TBC1D14: variants seen among roughly 807,000 people sequenced by gnomAD.
TBC1D14 encodes the protein TBC1 domain family member 14, also known as TBC1 domain family, member 14.
Under a neutral mutation model 79.0 loss-of-function variants are expected in TBC1D14, and 26 were observed. That is an observed-to-expected ratio of 0.33 (90% CI 0.24 to 0.46). TBC1D14 has a LOEUF of 0.46. Among genes scored for constraint, TBC1D14 ranks in the 20% least tolerant of loss-of-function variants. The pLI is 1.00. For missense variants in TBC1D14, 769 were observed against 887.6 expected (o/e 0.87, Z 1.70); for synonymous variants, 394 against 349.9 (o/e 1.13, Z -1.40).
chr4:7,026,524 G>A (rs1348185597), intron 13 of TBC1D14, among the ~76,000 whole-genome samples: 3 of 152,216 alleles, frequency 2.0e-5, no homozygotes, highest in Admixed American at 6.5e-5. Context: ...TGAAAGCTCT[G>A]TTAAGCCTCT....
At chr4:7,028,900 C>T (rs1021413921) in intron 13 of TBC1D14, among the ~76,000 whole-genome samples, 3 of 148,240 alleles carry the variant, frequency 2.0e-5, no homozygotes, top group Admixed American at 6.7e-5. Flanking sequence ...TGCAGTGGTG[C>T]GATCACAGCT....
At chr4:6,928,617 G>C (rs992009360) in intron 2 of TBC1D14, among the ~76,000 whole-genome samples, 1 of 152,218 alleles carries the variant, frequency 6.6e-6, no homozygotes, top group Non-Finnish European at 1.5e-5. Flanking sequence ...CAGATCACCT[G>C]AAGTCAGGAG....
At chr4:6,919,140 G>C (rs1269557178) in intron 1 of TBC1D14, among the ~76,000 whole-genome samples, 1 of 152,006 alleles carries the variant, frequency 6.6e-6, no homozygotes, top group Non-Finnish European at 1.5e-5. Context: ...TGCAGCACCT[G>C]GGTAATTTCA....
At chr4:7,000,879 A>T (rs16839511) in intron 6 of TBC1D14, among the ~76,000 whole-genome samples, 3,246 of 152,214 alleles carry the variant, frequency 0.021, 48 homozygotes, top group Middle Eastern at 0.041. Flanking sequence ...GGTCATTCAG[A>T]ACTTGGCCCC....
At chr4:6,921,965 G>T (rs1309214433) in intron 1 of TBC1D14, among the ~76,000 whole-genome samples, 1 of 152,188 alleles carries the variant, frequency 6.6e-6, no homozygotes, top group Admixed American at 6.5e-5. Context: ...AAAGTGTTGG[G>T]ATTACAGGTG....
At chr4:6,928,670 T>C (rs1314284528) in intron 2 of TBC1D14, among the ~76,000 whole-genome samples, 2 of 152,192 alleles carry the variant, frequency 1.3e-5, no homozygotes, top group African/African-American at 4.8e-5. Flanking sequence ...TCATTTCTAC[T>C]AAAAATACAA....
chr4:6,998,736 A>C (rs1448003956), intron 5 of TBC1D14: 1 of 202,298 alleles, frequency 4.9e-6, no homozygotes, highest in African/African-American at 2.4e-5. Flanking sequence ...ACGGGATTTC[A>C]CCACTTTGGC....
At chr4:6,947,224 G>A (rs911305269) in intron 2 of TBC1D14, among the ~76,000 whole-genome samples, 9 of 152,098 alleles carry the variant, frequency 5.9e-5, no homozygotes, top group African/African-American at 2.2e-4. Context: ...TAGGGCAGGC[G>A]CGGTGGCTCA....
chr4:7,029,603 T>G (rs994472660), intron 13 of TBC1D14, among the ~76,000 whole-genome samples: 3 of 152,306 alleles, frequency 2.0e-5, no homozygotes, highest in Admixed American at 1.3e-4. Context: ...AAGGCGGGCG[T>G]ATCATGAGGT....
At chr4:7,003,068 A>G (rs1199438936) in intron 7 of TBC1D14, among the ~76,000 whole-genome samples, 1 of 152,168 alleles carries the variant, frequency 6.6e-6, no homozygotes, top group Admixed American at 6.5e-5. Flanking sequence ...AAACTTAGTG[A>G]AAGTCGACCT....
chr4:6,917,874 G>T (rs941875400), intron 1 of TBC1D14, among the ~76,000 whole-genome samples: 23 of 152,302 alleles, frequency 1.5e-4, no homozygotes, highest in African/African-American at 3.8e-4. Flanking sequence ...CTGCCCTAGT[G>T]GCACGAGGCG....
In TBC1D14 at chr4:6,945,474, C is replaced by T. The variant is rs186734504; in HGVS notation, c.722+21363C>T. Among the ~76,000 whole-genome samples the T allele has an allele frequency of 4.1e-3, 622 of 152,194 alleles. 5 individuals carry two copies. Among genetic ancestry groups the T allele is most frequent in the African/African-American group, 0.013 (551 of 41,534 alleles). ...ATAGATTAAAGAAAGCATAGCTGGT[C>T]GTGGTGGCTCACGCCTGTAATCCCA... On this transcript the variant is annotated intron_variant, in intron 2 of 13. Coordinates refer to ENST00000409757, the MANE Select transcript of TBC1D14 (RefSeq NM_020773.3).
At chr4:6,967,839 G>T (rs553507749) in intron 3 of TBC1D14, among the ~76,000 whole-genome samples, 1 of 152,286 alleles carries the variant, frequency 6.6e-6, no homozygotes, top group Admixed American at 6.5e-5. Flanking sequence ...GGAAGGCGAG[G>T]GCCGACATTC....
rs544393034 is a variant in TBC1D14 at position 6,970,854 on chromosome 4, GT to G, written c.843+3431del. 5.6e-5 allele frequency among the ~76,000 whole-genome samples: 8 copies of G among 142,520 alleles called. No homozygotes were observed. The East Asian group carries it at 1.7e-3, about 30-fold the overall frequency. 93.5% of individuals were successfully genotyped at this position (142,520 alleles called of 152,430 possible). ...TCAAGGAGCCCGTGGTTGAGCTGGG[GT>G]CAGGTGTGCACACTGGCCAGGAGCT... On this transcript the variant is annotated intron_variant, in intron 3 of 13. Coordinates refer to ENST00000409757, the MANE Select transcript of TBC1D14 (RefSeq NM_020773.3).
intron 7 of TBC1D14, among the ~76,000 whole-genome samples, chr4:7,003,261 G>A (rs112036659): frequency 6.6e-6 from 1 of 152,176 alleles, no homozygotes; most frequent in Non-Finnish European, 1.5e-5. Context: ...ATTAAACCCC[G>A]AGGCTGGCAG....
intron 2 of TBC1D14, among the ~76,000 whole-genome samples, chr4:6,945,742 T>G (rs1218927224): frequency 1.3e-5 from 1 of 76,070 alleles, no homozygotes; most frequent in East Asian, 3.5e-4. Context: ...AGAGCAAAAC[T>G]GCGTCTCAAA....
chr4:6,949,148 A>C (rs1007724360), intron 2 of TBC1D14, among the ~76,000 whole-genome samples: 8 of 151,314 alleles, frequency 5.3e-5, no homozygotes, highest in East Asian at 4.0e-4. Context: ...CACTCCAGCC[A>C]GGGCAACAGA....
At chr4:7,003,946 C>T (rs913543664) in intron 7 of TBC1D14, among the ~76,000 whole-genome samples, 2 of 152,078 alleles carry the variant, frequency 1.3e-5, no homozygotes, top group African/African-American at 2.4e-5. Context: ...GCAGAGGTTA[C>T]AGTCAGCCAA....
chr4:6,921,614 C>T (rs1354062963), intron 1 of TBC1D14, among the ~76,000 whole-genome samples: 1 of 152,066 alleles, frequency 6.6e-6, no homozygotes, highest in East Asian at 1.9e-4. Context: ...CAACCTCCAC[C>T]TCCTGGGTTC....
Sources: gnomAD v4.1 joint callset for allele counts (sites outside exome capture counted in the v4.1 genomes callset) on GRCh38, gnomAD v4.1.1 for gene constraint, MANE v1.5 for transcripts, NCBI Gene and HGNC (gene_info 2026-07-23, HGNC 2026-07-21) for gene names.